The following EDIL3 variants were observed in gnomAD, a reference collection of about 807,000 sequenced individuals.
The protein encoded by EDIL3 is EGF like and discoidin domains 3, also known as EGF-like repeat and discoidin I-like domain-containing protein 3.
Under a neutral mutation model 67.4 loss-of-function variants are expected in EDIL3, and 37 were observed. That is an observed-to-expected ratio of 0.55 (90% CI 0.42 to 0.72). The LOEUF is 0.72. Among genes scored for constraint, EDIL3 ranks in the 30% least tolerant of loss-of-function variants. EDIL3 has a pLI of 0.00. For missense variants in EDIL3, 527 were observed against 586.3 expected (o/e 0.90, Z 1.04); for synonymous variants, 195 against 196.3 (o/e 0.99, Z 0.05).
At chr5:84,336,770 T>C in intron 1 of EDIL3, among the ~76,000 whole-genome samples, 1 of 152,214 alleles carries the variant, frequency 6.6e-6, no homozygotes, top group Non-Finnish European at 1.5e-5. Context: ...TTCTGGTAAG[T>C]TTATTTATCT....
In EDIL3 at chr5:84,006,474, A is replaced by T. The variant is rs145393497; in HGVS notation, c.1138-43114T>A. On this transcript the variant is annotated intron_variant, in intron 9 of 10. Coordinates refer to ENST00000296591, the MANE Select transcript of EDIL3 (RefSeq NM_005711.5). Reference sequence around the variant, plus strand: ...AACTAACACAGGAACATACTGTGTAACAAACCAAATACTGTATGTTCCCAC... The same window carrying T: ...AACTAACACAGGAACATACTGTGTATCAAACCAAATACTGTATGTTCCCAC... Among the ~76,000 whole-genome samples, 548 of 152,300 alleles carry T rather than the reference A, an allele frequency of 3.6e-3. 4 individuals carry two copies. The highest frequency in any genetic ancestry group is 0.012 in the African/African-American group (481 of 41,576).
intron 4 of EDIL3, 127 bp from the exon 5 acceptor site, chr5:84,137,481 G>T: frequency 1.4e-6 from 1 of 704,080 alleles, no homozygotes; most frequent in Non-Finnish European, 2.3e-6. Flanking sequence ...GTAGGCATGT[G>T]TGTGTTTAGT....
intron 9 of EDIL3, among the ~76,000 whole-genome samples, chr5:83,979,138 C>T (rs1744922984): frequency 6.6e-6 from 1 of 152,014 alleles, no homozygotes; most frequent in Non-Finnish European, 1.5e-5. Context: ...GTCTGAAACT[C>T]TTTGTAGGAT....
At chr5:84,267,678 C>A (rs1335713175) in intron 1 of EDIL3, among the ~76,000 whole-genome samples, 1 of 152,018 alleles carries the variant, frequency 6.6e-6, no homozygotes, top group African/African-American at 2.4e-5. Context: ...TGTATCTGAA[C>A]AAGGGATTTC....
intron 9 of EDIL3, among the ~76,000 whole-genome samples, chr5:84,013,599 A>G (rs879516734): frequency 6.6e-6 from 1 of 152,112 alleles, no homozygotes; most frequent in Non-Finnish European, 1.5e-5. Context: ...TCTATTGTTT[A>G]TTTGCTACAT....
chr5:84,198,692 A>G (rs1362998273), intron 3 of EDIL3, among the ~76,000 whole-genome samples: 1 of 152,054 alleles, frequency 6.6e-6, no homozygotes, highest in African/African-American at 2.4e-5. Context: ...GAAAAGGAAG[A>G]TTCCTAAGAA....
chr5:84,299,744 A>T (rs1746120255), intron 1 of EDIL3, among the ~76,000 whole-genome samples: 1 of 152,166 alleles, frequency 6.6e-6, no homozygotes, highest in Admixed American at 6.6e-5. Flanking sequence ...TGACCTTTGT[A>T]TGTATGTACA....
intron 1 of EDIL3, among the ~76,000 whole-genome samples, chr5:84,310,159 A>G (rs935586840): frequency 6.6e-6 from 1 of 150,894 alleles, no homozygotes. Flanking sequence ...TCTTGACAAA[A>G]TAACTGAACC....
chr5:84,173,110 T>G (rs1042406631), intron 4 of EDIL3, among the ~76,000 whole-genome samples: 11 of 152,304 alleles, frequency 7.2e-5, no homozygotes, highest in Non-Finnish European at 1.2e-4. Flanking sequence ...AGATAAATCC[T>G]AGGCTGGCCA....
At chr5:84,171,635 C>A (rs539675333) in intron 4 of EDIL3, among the ~76,000 whole-genome samples, 1 of 152,136 alleles carries the variant, frequency 6.6e-6, no homozygotes, top group Non-Finnish European at 1.5e-5. Flanking sequence ...TAAGGTTGTG[C>A]GATTACACAT....
chr5:84,250,603 G>C (rs1393468159), intron 2 of EDIL3, among the ~76,000 whole-genome samples: 2 of 152,166 alleles, frequency 1.3e-5, no homozygotes, highest in Non-Finnish European at 2.9e-5. Flanking sequence ...CAAAGCTACT[G>C]CAAAGTAGTA....
chr5:83,943,461 G>T lies in EDIL3; in HGVS notation c.1401C>A (p.Ile467=), dbSNP rs1408988413. Residue 467 remains isoleucine (I), a synonymous_variant, in exon 11 of 11, where the codon ATC becomes ATA. Transcript: ENST00000296591. ...RILPWSWYGR[I]TLRSELLGCT... is the part of the protein sequence containing the mutation. Reference sequence around the variant, plus strand: ...AGCCCAGCAGCTCTGACCGCAATGTGATCCTCCCGTACCAGGACCAAGGAA... The same window carrying T: ...AGCCCAGCAGCTCTGACCGCAATGTTATCCTCCCGTACCAGGACCAAGGAA... 6 of 1,612,688 alleles carry T rather than the reference G, an allele frequency of 3.7e-6. No homozygotes were observed. The Admixed American group carries it at 6.7e-5, about 18-fold the overall frequency.
intron 5 of EDIL3, among the ~76,000 whole-genome samples, chr5:84,129,332 A>G (rs2112306578): frequency 1.3e-5 from 2 of 152,266 alleles, no homozygotes; most frequent in South Asian, 4.1e-4. Context: ...ATGTTTTAAA[A>G]GAAGTGAGAA....
intron 9 of EDIL3, among the ~76,000 whole-genome samples, chr5:83,983,205 G>A (rs139411087): frequency 6.6e-6 from 1 of 152,200 alleles, no homozygotes; most frequent in African/African-American, 2.4e-5. Context: ...GTATCGCATT[G>A]GGTTTGCAGT....
At chr5:84,143,082 G>C (rs1380258171) in intron 4 of EDIL3, among the ~76,000 whole-genome samples, 1 of 151,886 alleles carries the variant, frequency 6.6e-6, no homozygotes, top group Non-Finnish European at 1.5e-5. Flanking sequence ...CTTATTTAAA[G>C]CCTATGATCT....
chr5:84,077,901 A>G (rs1746890507), intron 6 of EDIL3, among the ~76,000 whole-genome samples: 1 of 151,786 alleles, frequency 6.6e-6, no homozygotes, highest in Non-Finnish European at 1.5e-5. Context: ...CAAAGAGATG[A>G]GGAAATCAAT....
chr5:83,980,676 A>AATATATATATATATATATATAT (rs113580835), intron 9 of EDIL3, among the ~76,000 whole-genome samples: 1 of 141,066 alleles, frequency 7.1e-6, no homozygotes, highest in East Asian at 2.1e-4. Context: ...GAAAGATTGA[A>AATATATATATATATATATATAT]ATATATATAT....
intron 5 of EDIL3, among the ~76,000 whole-genome samples, chr5:84,132,794 A>C (rs895581164): frequency 6.6e-6 from 1 of 151,316 alleles, no homozygotes; most frequent in East Asian, 1.9e-4. Flanking sequence ...AAACAACTAT[A>C]TAATTATCTA....
At chr5:84,272,304 G>T (rs1745490827) in intron 1 of EDIL3, among the ~76,000 whole-genome samples, 2 of 150,902 alleles carry the variant, frequency 1.3e-5, no homozygotes, top group African/African-American at 4.8e-5. Flanking sequence ...TAACTTCATT[G>T]TCCTAATGTA....
Sources: allele counts gnomAD v4.1 joint callset (sites outside exome capture counted in the v4.1 genomes callset), GRCh38; gene constraint gnomAD v4.1.1; transcripts MANE v1.5; gene names NCBI Gene and HGNC (gene_info 2026-07-23, HGNC 2026-07-21).